The following PCDH15 variants were observed in gnomAD, a reference collection of about 807,000 sequenced individuals.
PCDH15 encodes the protein protocadherin-15.
Under a neutral mutation model 178.5 loss-of-function variants are expected in PCDH15, and 129 were observed. That is an observed-to-expected ratio of 0.72 (90% CI 0.63 to 0.84). The LOEUF is 0.84. Ranked by LOEUF, PCDH15 falls within the 40% of genes least tolerant of loss-of-function variation. The pLI is 0.00. For missense variants in PCDH15, 2,230 were observed against 2,099.9 expected (o/e 1.06, Z -1.21); for synonymous variants, 800 against 732.0 (o/e 1.09, Z -1.50).
intron 2 of PCDH15, among the ~76,000 whole-genome samples, chr10:54,897,954 A>G (rs534312516): frequency 1.8e-4 from 27 of 152,276 alleles, no homozygotes; most frequent in Non-Finnish European, 2.6e-4. Flanking sequence ...TTCTTTCTGT[A>G]TAATATAGTT....
At chr10:55,618,985 T>C (rs1220467745) in intron 2 of PCDH15, among the ~76,000 whole-genome samples, 1 of 151,998 alleles carries the variant, frequency 6.6e-6, no homozygotes, top group Non-Finnish European at 1.5e-5. Context: ...TGGAACCAAG[T>C]TGAAAATTAA....
rs187672719 is a variant in PCDH15 at position 54,255,070 on chromosome 10, C to A, written c.877-18139G>T. 2.0e-5 allele frequency among the ~76,000 whole-genome samples: 3 copies of A among 152,302 alleles called. No homozygotes were observed. In the East Asian group the frequency reaches 5.8e-4, roughly 29 times the overall value. On this transcript the variant is annotated intron_variant, in intron 8 of 37. Coordinates refer to ENST00000644397, the MANE Select transcript of PCDH15 (RefSeq NM_001384140.1). The stretch of plus-strand genomic sequence containing the variant: ...GTAATCACACTGGTGGGGGTGACCC[C>A]AGAAAGCACATATTCTCATAACACC...
chr10:55,038,547 C>A (rs1399868595), intron 2 of PCDH15, among the ~76,000 whole-genome samples: 1 of 152,176 alleles, frequency 6.6e-6, no homozygotes, highest in Non-Finnish European at 1.5e-5. Flanking sequence ...GAATTTAACT[C>A]TTTTATACGA....
chr10:54,849,841 CA>C, intron 3 of PCDH15, among the ~76,000 whole-genome samples: 1 of 152,114 alleles, frequency 6.6e-6, no homozygotes, highest in Non-Finnish European at 1.5e-5. Context: ...TAATATTTAT[CA>C]AATATTTACA....
intron 1 of PCDH15, among the ~76,000 whole-genome samples, chr10:55,208,493 G>A (rs1840468409): frequency 6.6e-6 from 1 of 151,802 alleles, no homozygotes; most frequent in Non-Finnish European, 1.5e-5. Flanking sequence ...CTATGTCTTT[G>A]CTTTCAACTT....
In PCDH15 at chr10:53,976,955, A is replaced by G. The variant is rs201695239; in HGVS notation, c.2869-15063T>C. ...GAGCACTGCATCTGGGCAACGAGAT[A>G]CAAGACCCTTCACTGTCATGACTGG... On this transcript the variant is annotated intron_variant, in intron 21 of 37. Transcript: ENST00000644397. Among the ~76,000 whole-genome samples, 32 of 151,574 alleles carry G rather than the reference A, an allele frequency of 2.1e-4. 1 individual carries two copies. The East Asian group carries it at 5.2e-3, about 25-fold the overall frequency.
At chr10:54,648,553 A>AT (rs2094184840) in intron 2 of PCDH15, among the ~76,000 whole-genome samples, 1 of 152,114 alleles carries the variant, frequency 6.6e-6, no homozygotes, top group Non-Finnish European at 1.5e-5. Flanking sequence ...AAGCTATGTA[A>AT]TTTTGTGTAA....
chr10:54,878,415 C>A (rs888710327), intron 3 of PCDH15, among the ~76,000 whole-genome samples: 5 of 152,158 alleles, frequency 3.3e-5, no homozygotes, highest in African/African-American at 1.2e-4. Context: ...AGATATTCCA[C>A]AAGAAGACAG....
At chr10:54,733,219 T>A (rs1943644285) in intron 1 of PCDH15, among the ~76,000 whole-genome samples, 1 of 151,638 alleles carries the variant, frequency 6.6e-6, no homozygotes, top group African/African-American at 2.4e-5. Flanking sequence ...ATTATCTATG[T>A]AGAAAATATC....
At chr10:54,978,749 G>A (rs1479650645) in intron 2 of PCDH15, among the ~76,000 whole-genome samples, 1 of 151,754 alleles carries the variant, frequency 6.6e-6, no homozygotes, top group South Asian at 2.1e-4. Flanking sequence ...CCCATAATTG[G>A]CCCCCCTCAA....
At chr10:55,543,748 T>C (rs1841815360) in intron 2 of PCDH15, among the ~76,000 whole-genome samples, 1 of 151,652 alleles carries the variant, frequency 6.6e-6, no homozygotes. Flanking sequence ...AACATAAGAT[T>C]GTGATCTTCT....
intron 30 of PCDH15, among the ~76,000 whole-genome samples, chr10:53,829,913 G>C (rs1324769372): frequency 6.6e-6 from 1 of 152,066 alleles, no homozygotes; most frequent in East Asian, 1.9e-4. Flanking sequence ...TTCATTCAGA[G>C]CATACATTTG....
At chr10:54,447,466 A>T (rs546842184) in intron 3 of PCDH15, among the ~76,000 whole-genome samples, 67 of 151,742 alleles carry the variant, frequency 4.4e-4, no homozygotes, top group South Asian at 2.9e-3. Flanking sequence ...AACTCTACAT[A>T]TAAGTGAGAT....
rs1046018572 is a variant in PCDH15 at position 54,848,338 on chromosome 10, C to T, written c.-29+49112G>A. 1.3e-4 allele frequency among the ~76,000 whole-genome samples: 19 copies of T among 144,628 alleles called. No individual in the cohort carries two copies. In the East Asian group the frequency reaches 1.6e-3, roughly 12 times the overall value. 94.9% of individuals were successfully genotyped at this position (144,628 alleles called of 152,430 possible). On this transcript the variant is annotated intron_variant, in intron 3 of 5. Transcript: ENST00000458638. ...CAGAAGTTGCAGTGAGCCGAGATTG[C>T]GCCTCTGCACTCCAGCCTGGGCAAC...
intron 28 of PCDH15, among the ~76,000 whole-genome samples, chr10:53,854,126 GGGAATATCA>G (rs1240745155): frequency 2.6e-5 from 4 of 151,872 alleles, no homozygotes; most frequent in Admixed American, 2.6e-4. Flanking sequence ...GATGAATCAT[GGGAATATCA>G]TGCTAAGTGA....
intron 3 of PCDH15, among the ~76,000 whole-genome samples, chr10:54,503,554 C>T (rs528268055): frequency 6.6e-6 from 1 of 151,230 alleles, no homozygotes; most frequent in Non-Finnish European, 1.5e-5. Context: ...TTAGAATGGG[C>T]TTGACTCACA....
intron 2 of PCDH15, among the ~76,000 whole-genome samples, chr10:54,658,137 T>A (rs2094438758): frequency 1.3e-5 from 2 of 152,028 alleles, no homozygotes. Context: ...AAATATTGGA[T>A]AATGGAAAGC....
At chr10:54,157,784 A>G (rs1353002365) in intron 13 of PCDH15, among the ~76,000 whole-genome samples, 1 of 152,178 alleles carries the variant, frequency 6.6e-6, no homozygotes, top group African/African-American at 2.4e-5. Context: ...AGCACCCAAG[A>G]CACCTCATGA....
At chr10:54,835,829 C>T (rs1299918692) in intron 3 of PCDH15, among the ~76,000 whole-genome samples, 1 of 152,078 alleles carries the variant, frequency 6.6e-6, no homozygotes, top group African/African-American at 2.4e-5. Flanking sequence ...GATTCTTTCT[C>T]TCAAATACCT....
Sources: gnomAD v4.1 joint callset for allele counts (sites outside exome capture counted in the v4.1 genomes callset) on GRCh38, gnomAD v4.1.1 for gene constraint, MANE v1.5 for transcripts, NCBI Gene and HGNC (gene_info 2026-07-23, HGNC 2026-07-21) for gene names.